The following RNF4 variants were observed in gnomAD, a reference collection of about 807,000 sequenced individuals.
RNF4 encodes the protein E3 ubiquitin-protein ligase RNF4.
In RNF4, 7 loss-of-function variants were observed where a neutral mutation model predicts 24.3. The observed-to-expected ratio is 0.29, with a 90% CI of 0.16 to 0.54. RNF4 has a LOEUF of 0.54. Among genes scored for constraint, RNF4 ranks in the 20% least tolerant of loss-of-function variants. The pLI, the probability that RNF4 is intolerant of heterozygous loss-of-function variation, is 0.95. For missense variants in RNF4, 209 were observed against 248.5 expected, an observed-to-expected ratio of 0.84 and a Z score of 1.07; for synonymous variants, 83 against 84.3, an observed-to-expected ratio of 0.98 and a Z score of 0.09.
At chr4:2,508,112 G>A (rs559880612) in intron 4 of RNF4, among the ~76,000 whole-genome samples, 20 of 152,194 alleles carry the variant, frequency 1.3e-4, no homozygotes, top group Non-Finnish European at 2.5e-4. Flanking sequence ...CTCCCAGGGT[G>A]CTGGGATTGC....
chr4:2,478,893 A>C (rs1182790194), intron 1 of RNF4, among the ~76,000 whole-genome samples: 1 of 152,138 alleles, frequency 6.6e-6, no homozygotes, highest in African/African-American at 2.4e-5. Context: ...AGAATGATAG[A>C]TCCACTGACA....
chr4:2,490,123 G>A (rs1735536737), intron 1 of RNF4, among the ~76,000 whole-genome samples: 1 of 152,108 alleles, frequency 6.6e-6, no homozygotes, highest in African/African-American at 2.4e-5. Flanking sequence ...GTAGGAGGTG[G>A]CATAATAATT....
At chr4:2,475,790 T>C (rs1735052822) in intron 1 of RNF4, among the ~76,000 whole-genome samples, 1 of 152,198 alleles carries the variant, frequency 6.6e-6, no homozygotes, top group South Asian at 2.1e-4. Flanking sequence ...AGATAGTTGT[T>C]GTAGTTAGCC....
Position 2,512,461 on chromosome 4 carries a change from G to C in RNF4, c.238G>C (p.Ala80Pro). 1 of 1,612,664 alleles carries C rather than the reference G, an allele frequency of 6.2e-7. No homozygotes were observed. The highest frequency in any genetic ancestry group is 1.1e-5 in the South Asian group (1 of 90,874). ...AGAAAGAAGAAGACCAAGGAGGAAT[G>C]CTAGGAGGCTGCCCCAGGACCATGC... ...VDERRRPRRN[A>P]RRLPQDHADS... is the part of the protein sequence containing the mutation. The change falls in exon 6 of 8, where the codon GCT becomes CCT. Residue 80 changes from alanine to proline, a missense_variant. Physicochemically the swap from Ala to Pro is conservative, Grantham distance 27. Transcript: ENST00000314289. The surrounding 1 kb of genome is among the most constrained non-coding windows in gnomAD (Gnocchi z 4.1).
In RNF4 at chr4:2,512,988, G is replaced by A. The variant is rs948993778; in HGVS notation, c.375-95G>A. Reference sequence around the variant, plus strand: ...AAGGCAGAGTCAGGAGGCCAGGGACGGGACTCTTGTAGGGGATAGGGGCCA... The same window carrying A: ...AAGGCAGAGTCAGGAGGCCAGGGACAGGACTCTTGTAGGGGATAGGGGCCA... On this transcript the variant is annotated intron_variant, in intron 6 of 7. Coordinates refer to ENST00000314289, the MANE Select transcript of RNF4 (RefSeq NM_002938.5). The surrounding 1 kb of genome is among the most constrained non-coding windows in gnomAD (Gnocchi z 4.1). 2.0e-5 allele frequency: 24 copies of A among 1,216,760 alleles called. No individual in the cohort carries two copies. Among genetic ancestry groups the A allele is most frequent in the South Asian group, 2.4e-5 (2 of 82,042 alleles). The allele number at this position is 1,216,760 out of a possible 1,614,324, so 75.4% of individuals were successfully genotyped here. A position where few individuals can be genotyped will look rare whatever the true frequency, so the allele number is the denominator to read the frequency against.
chr4:2,488,752 C>A (rs1011742583), intron 1 of RNF4, among the ~76,000 whole-genome samples: 1 of 152,232 alleles, frequency 6.6e-6, no homozygotes, highest in African/African-American at 2.4e-5. Context: ...CAGAGAAGTT[C>A]AATGCCATGC....
intron 1 of RNF4, among the ~76,000 whole-genome samples, chr4:2,478,565 G>A (rs2108751689): frequency 6.6e-6 from 1 of 152,378 alleles, no homozygotes; most frequent in South Asian, 2.1e-4. Flanking sequence ...TGGCCAAAAG[G>A]GGCCAACATA....
Position 2,514,884 on chromosome 4 carries a change from A to C in RNF4, c.*1065A>C, listed in dbSNP as rs1375207389. On this transcript the variant is annotated 3_prime_UTR_variant, in exon 8 of 8. Coordinates refer to ENST00000314289, the MANE Select transcript of RNF4 (RefSeq NM_002938.5). ...CCAACCCAGTGCCGTTTATTTCAGA[A>C]GCTTCCTGGCCACTGGGCTTGGATG... 1 of 152,552 alleles carries C rather than the reference A, an allele frequency of 6.6e-6. No individual in the cohort carries two copies. The highest frequency in any genetic ancestry group is 3.2e-3 in the Middle Eastern group (1 of 316). The allele number at this position is 152,552 out of a possible 1,614,324, so 9.4% of individuals were successfully genotyped here. A position where few individuals can be genotyped will look rare whatever the true frequency, so the allele number is the denominator to read the frequency against.
At chr4:2,486,217 C>T (rs541427673) in intron 1 of RNF4, among the ~76,000 whole-genome samples, 148 of 152,276 alleles carry the variant, frequency 9.7e-4, no homozygotes, top group African/African-American at 3.1e-3. Flanking sequence ...ATTTAGGAAG[C>T]GCAGTGCCTT....
At chr4:2,481,263 T>G (rs1735235962) in intron 1 of RNF4, 1 of 151,588 alleles carries the variant, frequency 6.6e-6, no homozygotes, top group Non-Finnish European at 1.5e-5. Context: ...GTGTAGAGCT[T>G]TACTACCATT....
chr4:2,503,026 C>T (rs1389632555), intron 4 of RNF4, among the ~76,000 whole-genome samples: 3 of 151,812 alleles, frequency 2.0e-5, no homozygotes, highest in Admixed American at 1.3e-4. Context: ...AAATTTGGGT[C>T]GGGTGGTGGT....
intron 1 of RNF4, among the ~76,000 whole-genome samples, chr4:2,489,619 G>A (rs1735520500): frequency 6.6e-6 from 1 of 152,196 alleles, no homozygotes. Flanking sequence ...GCACCCAGCA[G>A]TGGGTGGCCA....
chr4:2,487,765 G>A (rs1346293271), intron 1 of RNF4, among the ~76,000 whole-genome samples: 1 of 152,162 alleles, frequency 6.6e-6, no homozygotes, highest in East Asian at 1.9e-4. Context: ...CCCATAGTAT[G>A]GGCCAGCCTA....
intron 2 of RNF4, among the ~76,000 whole-genome samples, chr4:2,492,959 C>G (rs1282659731): frequency 6.6e-6 from 1 of 152,136 alleles, no homozygotes; most frequent in African/African-American, 2.4e-5. Flanking sequence ...GTGGTTATAG[C>G]TTATGTGGTT....
Position 2,512,382 on chromosome 4 carries a change from G to T in RNF4, c.215-56G>T, listed in dbSNP as rs778621168. On this transcript the variant is annotated intron_variant, in intron 5 of 7. Coordinates refer to ENST00000314289, the MANE Select transcript of RNF4 (RefSeq NM_002938.5). The surrounding 1 kb of genome is among the most constrained non-coding windows in gnomAD (Gnocchi z 4.1). ...CTTAAGAGGCGTCAGGATGGGAGTG[G>T]TGAGGATGGTAAGAGTAGAGAGCCT... is the stretch of plus-strand genomic sequence containing the variant. The T allele has an allele frequency of 1.6e-5, 25 of 1,556,958 alleles. No individual in the cohort carries two copies. Among genetic ancestry groups the T allele is most frequent in the Non-Finnish European group, 8.7e-7 (1 of 1,148,602 alleles).
At chr4:2,493,946 G>A (rs1384293079) in intron 2 of RNF4, among the ~76,000 whole-genome samples, 4 of 151,248 alleles carry the variant, frequency 2.6e-5, no homozygotes, top group African/African-American at 2.4e-5. Flanking sequence ...GGGTTCAAGC[G>A]ATTCTCCTGC....
At chr4:2,509,760 C>T (rs1736213935) in intron 4 of RNF4, among the ~76,000 whole-genome samples, 1 of 152,180 alleles carries the variant, frequency 6.6e-6, no homozygotes, top group African/African-American at 2.4e-5. Flanking sequence ...ACCATAAAGA[C>T]TCAGTACGCG....
intron 1 of RNF4, among the ~76,000 whole-genome samples, chr4:2,489,652 GCT>G (rs968860547): frequency 2.0e-5 from 3 of 152,152 alleles, no homozygotes; most frequent in African/African-American, 7.2e-5. Flanking sequence ...CCTTGCTTTG[GCT>G]CTCTCTCAAC....
intron 1 of RNF4, among the ~76,000 whole-genome samples, chr4:2,487,697 T>G (rs1218917539): frequency 5.3e-5 from 8 of 152,176 alleles, no homozygotes; most frequent in Non-Finnish European, 1.2e-4. Context: ...GCTGGGGTTA[T>G]AGGGCATGAG....
Sources: allele counts gnomAD v4.1 joint callset (sites outside exome capture counted in the v4.1 genomes callset), GRCh38; gene constraint gnomAD v4.1.1; non-coding constraint Gnocchi (gnomAD v3.1); transcripts MANE v1.5; gene names NCBI Gene and HGNC (gene_info 2026-07-23, HGNC 2026-07-21).